The following STK17A variants were observed in gnomAD, a reference collection of about 807,000 sequenced individuals.
STK17A encodes the protein serine/threonine kinase 17a, also known as serine/threonine-protein kinase 17A.
STK17A carries 26 observed loss-of-function variants against 43.7 expected under a neutral mutation model. The ratio of observed to expected loss-of-function variants is 0.60; its 90% confidence interval spans 0.44 to 0.83. The LOEUF (loss-of-function observed/expected upper bound fraction) is 0.83, where lower values mean the gene tolerates loss of function less well. Among genes scored for constraint, STK17A ranks in the 40% least tolerant of loss-of-function variants. The probability of loss-of-function intolerance (pLI) is 0.00; values close to 1 mark genes in which losing one functional copy is unlikely to be tolerated. For missense variants in STK17A, 476 were observed against 511.6 expected (o/e 0.93, Z 0.67); for synonymous variants, 191 against 182.5 (o/e 1.05, Z -0.38).
Position 43,624,959 on chromosome 7 carries a change from A to C in STK17A, c.*117A>C, listed in dbSNP as rs2084341783. ...TGGATAACCAGTATCACTTACACAAACAAAAATAACTTTGTCAAATTTGTG... is the reference window on the plus strand; with the variant it reads ...TGGATAACCAGTATCACTTACACAACCAAAAATAACTTTGTCAAATTTGTG... On this transcript the variant is annotated 3_prime_UTR_variant, in exon 7 of 7. Coordinates refer to ENST00000319357, the MANE Select transcript of STK17A (RefSeq NM_004760.3). 1 of 953,218 alleles carries C rather than the reference A, an allele frequency of 1.0e-6. No individual in the cohort carries two copies. The highest frequency in any genetic ancestry group is 2.8e-5 in the East Asian group (1 of 35,642). The allele number at this position is 953,218 out of a possible 1,614,324, so 59.0% of individuals were successfully genotyped here. A position where few individuals can be genotyped will look rare whatever the true frequency, so the allele number is the denominator to read the frequency against.
intron 2 of STK17A, among the ~76,000 whole-genome samples, chr7:43,599,264 G>A (rs1296091141): frequency 2.0e-5 from 3 of 152,188 alleles, no homozygotes; most frequent in Admixed American, 2.0e-4. Flanking sequence ...AGTTGTACAT[G>A]ATTGAATAAT....
Position 43,588,687 on chromosome 7 carries a change from A to G in STK17A, c.206+5238A>G, listed in dbSNP as rs140685204. 5.0e-4 allele frequency among the ~76,000 whole-genome samples: 76 copies of G among 151,370 alleles called. No individual in the cohort carries two copies. The East Asian group carries it at 6.0e-3, about 12-fold the overall frequency. ...GAAACCTCATCTCTACTAAAATTAC[A>G]AAATTAGCTGGGCACACACCTGTAG... On this transcript the variant is annotated intron_variant, in intron 1 of 6. Coordinates refer to ENST00000319357, the MANE Select transcript of STK17A (RefSeq NM_004760.3).
chr7:43,619,857 T>C (rs2083699208), intron 4 of STK17A, 134 bp downstream of exon 4: 2 of 1,209,936 alleles, frequency 1.7e-6, no homozygotes, highest in African/African-American at 1.5e-5. Context: ...ATCTATTCCT[T>C]TGGATTACAT....
At position 43,623,628 on chromosome 7, in the gene STK17A, T is replaced by C; in HGVS notation, c.740+8T>C. The C allele has an allele frequency of 6.2e-7, 1 of 1,609,062 alleles. No homozygotes were observed. Among genetic ancestry groups the C allele is most frequent in the Non-Finnish European group, 8.5e-7 (1 of 1,178,284 alleles). Reference sequence around the variant, plus strand: ...CATGGCAACAGATATGTGGTAAGAGTTATTAATGAAAAATTGATCAAATTA... The same window carrying C: ...CATGGCAACAGATATGTGGTAAGAGCTATTAATGAAAAATTGATCAAATTA... On this transcript the variant is annotated splice_region_variant and intron_variant, in intron 5 of 6. Coordinates refer to ENST00000319357, the MANE Select transcript of STK17A (RefSeq NM_004760.3).
At chr7:43,601,548 C>G (rs955145350) in intron 2 of STK17A, among the ~76,000 whole-genome samples, 2 of 152,168 alleles carry the variant, frequency 1.3e-5, no homozygotes, top group Non-Finnish European at 2.9e-5. Context: ...CTCATTCTTG[C>G]AAAACCTGCT....
chr7:43,599,804 A>C (rs1365457377), intron 2 of STK17A, among the ~76,000 whole-genome samples: 4 of 152,190 alleles, frequency 2.6e-5, no homozygotes. Context: ...CAGGGAAACC[A>C]ATCATTAACT....
chr7:43,601,533 A>G (rs2082554938), intron 2 of STK17A, among the ~76,000 whole-genome samples: 1 of 152,094 alleles, frequency 6.6e-6, no homozygotes, highest in Non-Finnish European at 1.5e-5. Context: ...TGTCTCCAAA[A>G]TCTCCTCATT....
At chr7:43,623,927 C>G (rs1411197184) in intron 6 of STK17A, 39 bp downstream of exon 6, 3 of 1,300,398 alleles carry the variant, frequency 2.3e-6, no homozygotes, top group South Asian at 4.5e-5. Flanking sequence ...TGAACTAATT[C>G]AATATTAAAA....
At chr7:43,607,509 C>T (rs1421710587) in intron 2 of STK17A, among the ~76,000 whole-genome samples, 4 of 151,826 alleles carry the variant, frequency 2.6e-5, no homozygotes, top group Non-Finnish European at 5.9e-5. Context: ...ATTAGCCGGG[C>T]GTGGTGGCCC....
chr7:43,608,323 G>T lies in STK17A; in HGVS notation c.487G>T (p.Val163Phe). The change falls in exon 3 of 7, where the codon GTT becomes TTT. Residue 163 changes from valine (V) to phenylalanine (F), a missense_variant. Physicochemically the swap from Val to Phe is conservative, Grantham distance 50. Around this residue, in one of 3 missense-constraint regions of STK17A, gnomAD observed 320 missense variants for 326.3 expected, o/e 0.98. Transcript: ENST00000319357. ...DREEAFKEKD[V>F]QRLMRQILEG... ...AGAAGAAGCCTTTAAAGAAAAAGAT[G>T]TTCAAAGACTTATGCGACAGATTTT... 1 of 1,613,996 alleles carries T rather than the reference G, an allele frequency of 6.2e-7. No individual in the cohort carries two copies. Among genetic ancestry groups the T allele is most frequent in the Non-Finnish European group, 8.5e-7 (1 of 1,179,984 alleles).
Position 43,596,038 on chromosome 7 carries a change from C to T in STK17A, c.344C>T (p.Ala115Val), listed in dbSNP as rs775394314. The T allele has an allele frequency of 3.1e-6, 5 of 1,613,838 alleles. No homozygotes were observed. The East Asian group carries it at 8.9e-5, about 29-fold the overall frequency. Residue 115 changes from alanine (A) to valine (V), a missense_variant, in exon 2 of 7, where the codon GCA (alanine) becomes GTA (valine). Physicochemically the swap from Ala to Val is moderately conservative, Grantham distance 64. Transcript: ENST00000319357. Reference sequence around the variant, plus strand: ...CATGAGATTGCTGTACTTGAACTAGCACAAGACAATCCTTGGGTCATTAAT... The same window carrying T: ...CATGAGATTGCTGTACTTGAACTAGTACAAGACAATCCTTGGGTCATTAAT... Reference protein sequence around the residue: ...IIHEIAVLELAQDNPWVINLH... With the variant: ...IIHEIAVLELVQDNPWVINLH...
intron 1 of STK17A, among the ~76,000 whole-genome samples, chr7:43,592,759 A>G (rs7799758): frequency 0.26 from 39,017 of 151,676 alleles, 5,921 homozygotes; most frequent in Non-Finnish European, 0.33. Context: ...CCAGCTATTC[A>G]GGAGGCTGAG....
Position 43,625,200 on chromosome 7 carries a change from T to C in STK17A, c.*358T>C. On this transcript the variant is annotated 3_prime_UTR_variant, in exon 7 of 7. Coordinates refer to ENST00000319357, the MANE Select transcript of STK17A (RefSeq NM_004760.3). ...CCAAAACTACACTTCTGTAAATCTC[T>C]TGCATTATTCATATGTGTATCTATA... 5.4e-6 allele frequency: 1 copy of C among 185,902 alleles called. No homozygotes were observed. Among genetic ancestry groups the C allele is most frequent in the Non-Finnish European group, 1.1e-5 (1 of 88,820 alleles). The allele number at this position is 185,902 out of a possible 1,614,324, so 11.5% of individuals were successfully genotyped here.
chr7:43,610,042 T>C (rs2082709929), intron 3 of STK17A, among the ~76,000 whole-genome samples: 1 of 152,242 alleles, frequency 6.6e-6, no homozygotes. Flanking sequence ...CAGGGGCCAC[T>C]TTAAGAATTG....
rs2082633936 is a variant in STK17A at position 43,608,379 on chromosome 7, TGTA to T, written c.546_548del (p.Val183del). 1.9e-6 allele frequency: 3 copies of T among 1,608,262 alleles called. No homozygotes were observed. The highest frequency in any genetic ancestry group is 2.5e-6 in the Non-Finnish European group (3 of 1,178,542). ...GTGTTCACTTTTTACACACTCGTGA[TGTA>T]GTTCATCTTGATTTGAAGGTAAGAT... On this transcript the variant is annotated inframe_deletion, in exon 3 of 7. Transcript: ENST00000319357.
rs770965148 is a variant in STK17A, at chr7:43,586,015, A to G, written c.206+2566A>G. Among the ~76,000 whole-genome samples, 13 of 151,596 alleles carry G rather than the reference A, an allele frequency of 8.6e-5. 1 individual carries two copies. Reference sequence around the variant, plus strand: ...AACTTTGCCTGTATTTATGGTTTTAACATAGCTAAGTGTGTCTCTGCTTCA... The same window carrying G: ...AACTTTGCCTGTATTTATGGTTTTAGCATAGCTAAGTGTGTCTCTGCTTCA... On this transcript the variant is annotated intron_variant, in intron 1 of 6. Transcript: ENST00000319357.
At chr7:43,586,704 T>G (rs2082442730) in intron 1 of STK17A, among the ~76,000 whole-genome samples, 1 of 151,566 alleles carries the variant, frequency 6.6e-6, no homozygotes, top group African/African-American at 2.4e-5. Context: ...TGCCTTACAT[T>G]TGTTTTCATT....
rs761929838 is a variant in STK17A, at chr7:43,583,283, C to T, written c.40C>T (p.Pro14Ser). Residue 14 changes from proline (P) to serine (S), a missense_variant, in exon 1 of 7, where the codon CCA (proline) becomes TCA (serine). Physicochemically the swap from Pro to Ser is moderately conservative, Grantham distance 74 (BLOSUM62 -1). Coordinates refer to ENST00000319357, the MANE Select transcript of STK17A (RefSeq NM_004760.3). Reference protein sequence around the residue: ...LEKPGSGGSSPGATSGSGRAG... With the variant: ...LEKPGSGGSSSGATSGSGRAG... ...GAAGCCAGGCAGCGGCGGCTCCTCCCCAGGCGCCACCTCAGGCTCGGGCCG... is the reference window on the plus strand; with the variant it reads ...GAAGCCAGGCAGCGGCGGCTCCTCCTCAGGCGCCACCTCAGGCTCGGGCCG... 1.4e-5 allele frequency: 21 copies of T among 1,542,810 alleles called. No homozygotes were observed. The highest frequency in any genetic ancestry group is 1.7e-6 in the Non-Finnish European group (2 of 1,147,746).
chr7:43,605,671 G>A (rs2082583956), intron 2 of STK17A, among the ~76,000 whole-genome samples: 1 of 151,474 alleles, frequency 6.6e-6, no homozygotes, highest in Non-Finnish European at 1.5e-5. Flanking sequence ...CTTCTGCTTG[G>A]GTTCCTCCCC....
Sources: gnomAD v4.1 joint callset for allele counts (sites outside exome capture counted in the v4.1 genomes callset) on GRCh38, gnomAD v4.1.1 for gene constraint, gnomAD v4.1.1 regional missense constraint, MANE v1.5 for transcripts, NCBI Gene and HGNC (gene_info 2026-07-23, HGNC 2026-07-21) for gene names.